The following FGF13 variants were observed in gnomAD, a reference collection of about 807,000 sequenced individuals.
FGF13 encodes the protein fibroblast growth factor homologous factor 2.
A neutral mutation model predicts 19.5 loss-of-function variants in FGF13; 2 were observed. The ratio of observed to expected loss-of-function variants is 0.10; its 90% CI spans 0.04 to 0.32. FGF13 has a LOEUF of 0.32. FGF13 is among the 10% of genes least tolerant of loss of function. The pLI is 1.00. For synonymous variants in FGF13, 72 were observed against 76.9 expected, an observed-to-expected ratio of 0.94 and a Z score of 0.33; for missense variants, 113 against 192.7, an observed-to-expected ratio of 0.59 and a Z score of 2.45.
intron 1 of FGF13, among the ~76,000 whole-genome samples, chrX:139,201,691 T>C (rs779368707): frequency 8.9e-5 from 10 of 112,542 alleles, no homozygotes; most frequent in Non-Finnish European, 1.9e-4. Flanking sequence ...ATATAAACTC[T>C]ATTGATTAAA....
intron 1 of FGF13, among the ~76,000 whole-genome samples, chrX:138,981,845 AT>A (rs962087340): frequency 1.4e-4 from 16 of 110,889 alleles, no homozygotes; most frequent in African/African-American, 5.3e-4. Context: ...GGTTCATCCA[AT>A]TCCTTTGCTC....
intron 4 of FGF13, among the ~76,000 whole-genome samples, chrX:138,634,033 C>T (rs1031135815): frequency 8.9e-6 from 1 of 111,743 alleles, no homozygotes; most frequent in Non-Finnish European, 1.9e-5. Context: ...TCTTACCTCC[C>T]TATCTTCCAT....
intron 1 of FGF13, among the ~76,000 whole-genome samples, chrX:138,896,443 T>A (rs1308833570): frequency 8.9e-6 from 1 of 111,795 alleles, no homozygotes; most frequent in Non-Finnish European, 1.9e-5. Flanking sequence ...CCAGTCTCTA[T>A]TCTAGCCTCT....
At chrX:138,652,959 A>G (rs1394030696) in intron 3 of FGF13, among the ~76,000 whole-genome samples, 4 of 112,394 alleles carry the variant, frequency 3.6e-5, no homozygotes, top group African/African-American at 1.3e-4. Context: ...ACAACAAATG[A>G]AGAATACATC....
chrX:138,859,110 G>A (rs1383296757), intron 2 of FGF13, among the ~76,000 whole-genome samples: 1 of 111,904 alleles, frequency 8.9e-6, no homozygotes, highest in Non-Finnish European at 1.9e-5. Flanking sequence ...AGCTTTTTCC[G>A]TAGAGAGTTC....
chrX:138,666,988 C>T (rs915956553), intron 3 of FGF13, among the ~76,000 whole-genome samples: 6 of 108,619 alleles, frequency 5.5e-5, no homozygotes, highest in Non-Finnish European at 7.7e-5. Flanking sequence ...GTCATAATAA[C>T]GAGTAAACAG....
chrX:138,773,223 A>G (rs1213293680), intron 3 of FGF13, among the ~76,000 whole-genome samples: 1 of 111,163 alleles, frequency 9.0e-6, no homozygotes, highest in Non-Finnish European at 1.9e-5. Flanking sequence ...GTCCACCCAT[A>G]TGGCCTGTGA....
At chrX:139,129,673 C>T (rs371194942) in intron 1 of FGF13, among the ~76,000 whole-genome samples, 1 of 111,215 alleles carries the variant, frequency 9.0e-6, no homozygotes, top group East Asian at 2.8e-4. Context: ...ATGATGAGTT[C>T]GAGCTCCCAA....
intron 1 of FGF13, among the ~76,000 whole-genome samples, chrX:139,179,878 G>T (rs1207804972): frequency 8.9e-6 from 1 of 112,972 alleles, no homozygotes; most frequent in Non-Finnish European, 1.9e-5. Context: ...TTAACTGTAT[G>T]GTCAATAAAG....
intron 1 of FGF13, among the ~76,000 whole-genome samples, chrX:139,055,451 C>A (rs1351084159): frequency 8.9e-6 from 1 of 112,575 alleles, no homozygotes; most frequent in African/African-American, 3.2e-5. Flanking sequence ...CTCTTATCTG[C>A]AGCTGATCTG....
At chrX:138,798,112 G>A (rs1391405980) in intron 3 of FGF13, among the ~76,000 whole-genome samples, 1 of 111,823 alleles carries the variant, frequency 8.9e-6, no homozygotes, top group Non-Finnish European at 1.9e-5. Flanking sequence ...GAATAGGAGT[G>A]GTGGGAGAGG....
intron 3 of FGF13, among the ~76,000 whole-genome samples, chrX:138,799,774 C>T (rs2090813460): frequency 9.0e-6 from 1 of 111,525 alleles, no homozygotes; most frequent in African/African-American, 3.3e-5. Context: ...ATATTGGGTG[C>T]ATATATATTT....
At chrX:138,916,649 G>A (rs768804053) in intron 1 of FGF13, among the ~76,000 whole-genome samples, 1 of 112,166 alleles carries the variant, frequency 8.9e-6, no homozygotes, top group African/African-American at 3.2e-5. Flanking sequence ...AAGCTGCTTC[G>A]CCTAAGAGAC....
At chrX:138,949,927 G>GT (rs1041981071) in intron 1 of FGF13, among the ~76,000 whole-genome samples, 2 of 111,847 alleles carry the variant, frequency 1.8e-5, no homozygotes, top group African/African-American at 3.2e-5. Context: ...GGAATACTCA[G>GT]TTTTTTGTGC....
In FGF13 at chrX:139,135,601, C is replaced by T. The variant is rs751166480; in HGVS notation, c.-113+67815G>A. On this transcript the variant is annotated intron_variant, in intron 1 of 2. Coordinates refer to the FGF13 transcript ENST00000421460. ...ATGATCAGTGCTTGGTTATGTGAGG[C>T]ACCTACTGAATTTCTTGTGCTTGAC... Among the ~76,000 whole-genome samples the T allele has an allele frequency of 3.6e-5, 4 of 111,704 alleles. No homozygotes were observed. The South Asian group carries it at 1.5e-3, about 42-fold the overall frequency.
At chrX:138,876,694 T>C (rs565686472) in intron 1 of FGF13, among the ~76,000 whole-genome samples, 1 of 112,243 alleles carries the variant, frequency 8.9e-6, no homozygotes, top group South Asian at 3.8e-4. Context: ...GATACTGAGC[T>C]ACCTATGCTA....
chrX:138,814,352 G>A (rs757210856), intron 3 of FGF13, among the ~76,000 whole-genome samples: 1 of 110,373 alleles, frequency 9.1e-6, no homozygotes, highest in Admixed American at 9.7e-5. Context: ...TTTAAAGGGT[G>A]TTGGGATTGC....
chrX:138,968,748 T>C (rs2124314331), intron 1 of FGF13, among the ~76,000 whole-genome samples: 1 of 112,349 alleles, frequency 8.9e-6, no homozygotes, highest in African/African-American at 3.2e-5. Context: ...ACTTGCAAGC[T>C]GATTTTCTGA....
In FGF13 at chrX:138,930,328, T is replaced by C. The variant is rs558635740; in HGVS notation, c.-112-65678A>G. On this transcript the variant is annotated intron_variant, in intron 1 of 2. Coordinates refer to the FGF13 transcript ENST00000421460. Reference sequence around the variant, plus strand: ...AAGCTGACTGAATTCAATTAATAACTGCTGTGTTCATTTATTTAGTAAAAG... The same window carrying C: ...AAGCTGACTGAATTCAATTAATAACCGCTGTGTTCATTTATTTAGTAAAAG... Among the ~76,000 whole-genome samples the C allele has an allele frequency of 2.5e-4, 28 of 112,613 alleles. No homozygotes were observed. In the South Asian group the frequency reaches 0.01, roughly 41 times the overall value.
Sources: gnomAD v4.1 joint callset for allele counts (sites outside exome capture counted in the v4.1 genomes callset) on GRCh38, gnomAD v4.1.1 for gene constraint, MANE v1.5 for transcripts, NCBI Gene and HGNC (gene_info 2026-07-23, HGNC 2026-07-21) for gene names.